The following TMEM177 variants were observed in gnomAD, a reference collection of about 807,000 sequenced individuals.
TMEM177 encodes transmembrane protein 177.
Under a neutral mutation model 14.2 loss-of-function variants are expected in TMEM177, and 4 were observed. The observed-to-expected ratio is 0.28, with a 90% confidence interval of 0.14 to 0.64. The LOEUF is 0.64. Among genes scored for constraint, TMEM177 ranks in the 30% least tolerant of loss-of-function variants. The probability of loss-of-function intolerance (pLI) is 0.82; values close to 1 mark genes in which losing one functional copy is unlikely to be tolerated. For synonymous variants in TMEM177, 179 were observed against 174.5 expected (o/e 1.03, Z -0.20); for missense variants, 344 against 405.2 (o/e 0.85, Z 1.30).
chr2:119,722,739 C>T, the TMEM177 span, among the ~76,000 whole-genome samples: 1 of 152,234 alleles, frequency 6.6e-6, no homozygotes, highest in Admixed American at 6.5e-5. Flanking sequence ...CACCCAGTCT[C>T]CTTTAGACAC....
chr2:119,686,823 C>G (rs1361417936), downstream of TMEM177, among the ~76,000 whole-genome samples: 2 of 152,142 alleles, frequency 1.3e-5, no homozygotes, highest in African/African-American at 2.4e-5. Context: ...ACACCTCAGC[C>G]TCCCAAAGTG....
chr2:119,712,779 A>G, the TMEM177 span, among the ~76,000 whole-genome samples: 3 of 152,220 alleles, frequency 2.0e-5, no homozygotes, highest in South Asian at 6.2e-4. Flanking sequence ...GCCAGTGACA[A>G]AATGTTCCTT....
chr2:119,691,493 G>T (rs575603910), downstream of TMEM177, among the ~76,000 whole-genome samples: 1 of 152,190 alleles, frequency 6.6e-6, no homozygotes, highest in East Asian at 1.9e-4. Context: ...GGTGAGTCAG[G>T]GTTGGCAGCA....
the TMEM177 span, among the ~76,000 whole-genome samples, chr2:119,694,778 C>CTG: frequency 6.6e-6 from 1 of 152,258 alleles, no homozygotes; most frequent in Non-Finnish European, 1.5e-5. Context: ...CCCACTGCAT[C>CTG]ATGTGCTTGT....
the TMEM177 span, among the ~76,000 whole-genome samples, chr2:119,707,261 T>G: frequency 6.6e-6 from 1 of 152,170 alleles, no homozygotes; most frequent in Non-Finnish European, 1.5e-5. Context: ...TGGCCAGAAC[T>G]TGATCACGTG....
the TMEM177 span, among the ~76,000 whole-genome samples, chr2:119,694,106 CACAT>C: frequency 5.0e-4 from 46 of 91,190 alleles, 1 homozygote; most frequent in African/African-American, 1.5e-3. Context: ...CACACACAAA[CACAT>C]ACCACATGCA....
At chr2:119,691,789 T>A in the TMEM177 span, among the ~76,000 whole-genome samples, 1 of 152,328 alleles carries the variant, frequency 6.6e-6, no homozygotes, top group South Asian at 2.1e-4. Flanking sequence ...CGGCAAGGCC[T>A]GCAGACCCCA....
chr2:119,709,773 C>T, the TMEM177 span, among the ~76,000 whole-genome samples: 13 of 152,136 alleles, frequency 8.5e-5, no homozygotes, highest in East Asian at 2.1e-3. Flanking sequence ...TGCAGTGAAC[C>T]GAGATCGCGC....
chr2:119,712,251 C>G, the TMEM177 span, among the ~76,000 whole-genome samples: 1 of 152,060 alleles, frequency 6.6e-6, no homozygotes, highest in South Asian at 2.1e-4. Context: ...GTACTCTCTC[C>G]TGCCGCGTGG....
At chr2:119,705,982 C>CGA in the TMEM177 span, among the ~76,000 whole-genome samples, 1 of 41,012 alleles carries the variant, frequency 2.4e-5, no homozygotes, top group East Asian at 1.2e-3. Context: ...GGCTCTCTCT[C>CGA]TCTATATATA....
At chr2:119,694,115 C>CAT in the TMEM177 span, among the ~76,000 whole-genome samples, 1 of 100,234 alleles carries the variant, frequency 1.0e-5, no homozygotes, top group Non-Finnish European at 2.1e-5. Flanking sequence ...ACACATACCA[C>CAT]ATGCACCACA....
chr2:119,712,073 G>A, the TMEM177 span, among the ~76,000 whole-genome samples: 5 of 151,912 alleles, frequency 3.3e-5, no homozygotes, highest in Non-Finnish European at 7.4e-5. Context: ...CACGCTCCAG[G>A]GCAGCAAAGA....
In TMEM177 at chr2:119,681,290, C is replaced by G. The variant is rs1481119856; in HGVS notation, c.437C>G (p.Ser146Cys). The change falls in exon 2 of 2, where the codon TCC (serine) becomes TGC (cysteine). Residue 146 changes from serine (S) to cysteine (C), a missense_variant. Ser to Cys is a moderately radical substitution (Grantham distance 112). Transcript: ENST00000272521. ...GARLRASLTL[S>C]REAQKFALAR... ...CGGCTGAGAGCTTCCCTGACCTTGT[C>G]CCGTGAAGCCCAGAAGTTCGCCTTG... 4 of 1,614,252 alleles carry G rather than the reference C, an allele frequency of 2.5e-6. No individual in the cohort carries two copies. The Admixed American group carries it at 5.0e-5, about 20-fold the overall frequency.
the TMEM177 span, among the ~76,000 whole-genome samples, chr2:119,722,475 T>A: frequency 6.6e-6 from 1 of 151,938 alleles, no homozygotes; most frequent in Non-Finnish European, 1.5e-5. Flanking sequence ...TAGCACCATA[T>A]ATAAGAGAGA....
chr2:119,715,908 G>A, the TMEM177 span, among the ~76,000 whole-genome samples: 2 of 152,318 alleles, frequency 1.3e-5, no homozygotes, highest in Non-Finnish European at 1.5e-5. Flanking sequence ...GCAACCCCGC[G>A]TCAGAGGGGA....
At chr2:119,692,788 C>T in the TMEM177 span, among the ~76,000 whole-genome samples, 1 of 152,040 alleles carries the variant, frequency 6.6e-6, no homozygotes, top group African/African-American at 2.4e-5. Flanking sequence ...GCCTGACCAA[C>T]ATGGTGAAAC....
At chr2:119,696,986 CG>C in the TMEM177 span, among the ~76,000 whole-genome samples, 1 of 152,166 alleles carries the variant, frequency 6.6e-6, no homozygotes, top group Admixed American at 6.5e-5. Flanking sequence ...CCAGCTACTC[CG>C]GTCTCTGAGG....
chr2:119,713,504 C>T, the TMEM177 span, among the ~76,000 whole-genome samples: 1 of 152,114 alleles, frequency 6.6e-6, no homozygotes, highest in Non-Finnish European at 1.5e-5. Context: ...TTATATTATT[C>T]CCCATGAGTT....
the TMEM177 span, among the ~76,000 whole-genome samples, chr2:119,692,329 G>A: frequency 2.6e-5 from 4 of 152,328 alleles, no homozygotes; most frequent in South Asian, 2.1e-4. Context: ...TGGGGAAGGC[G>A]GAACTGACAG....
Sources: gnomAD v4.1 joint callset for allele counts (sites outside exome capture counted in the v4.1 genomes callset) on GRCh38, gnomAD v4.1.1 for gene constraint, MANE v1.5 for transcripts, NCBI Gene and HGNC (gene_info 2026-07-23, HGNC 2026-07-21) for gene names.